CYFIP1: variants seen among roughly 807,000 people sequenced by gnomAD.
The protein encoded by CYFIP1 is cytoplasmic FMR1-interacting protein 1.
A neutral mutation model predicts 163.5 loss-of-function variants in CYFIP1; 58 were observed. The observed-to-expected ratio is 0.35, with a 90% CI of 0.29 to 0.44. CYFIP1 has a LOEUF of 0.44. CYFIP1 is among the 20% of genes least tolerant of loss of function. The probability of loss-of-function intolerance (pLI) is 1.00; values close to 1 mark genes in which losing one functional copy is unlikely to be tolerated. For missense variants in CYFIP1, 1,338 were observed against 1,653.8 expected, an observed-to-expected ratio of 0.81 and a Z score of 3.31; for synonymous variants, 663 against 660.7, an observed-to-expected ratio of 1.00 and a Z score of -0.05.
chr15:22,924,072 T>C (rs2061281792), intron 13 of CYFIP1, among the ~76,000 whole-genome samples: 2 of 151,738 alleles, frequency 1.3e-5, no homozygotes, highest in Non-Finnish European at 2.9e-5. Flanking sequence ...ATCCATGTAA[T>C]GCAATATTAT....
rs1438819876 is a variant in CYFIP1 at position 22,892,986 on chromosome 15, G to A, written c.2589-9C>T. 1.2e-6 allele frequency: 2 copies of A among 1,602,504 alleles called. No homozygotes were observed. The highest frequency in any genetic ancestry group is 8.5e-7 in the Non-Finnish European group (1 of 1,172,464). ...ACACTGTCCGAACAAACCTAAACAA[G>A]AAAGATTTAAAAAAGAAAAAGAAAC... On this transcript the variant is annotated splice_polypyrimidine_tract_variant and intron_variant, in intron 22 of 30. Transcript: ENST00000617928.
intron 28 of CYFIP1, 100 bp downstream of exon 28, chr15:22,874,450 T>A: frequency 1.2e-6 from 1 of 822,878 alleles, no homozygotes. Flanking sequence ...ACGCAGCCGC[T>A]GGACTTCACG....
At chr15:22,967,555 G>C (rs1047092124) in intron 1 of CYFIP1, among the ~76,000 whole-genome samples, 1 of 152,048 alleles carries the variant, frequency 6.6e-6, no homozygotes, top group Non-Finnish European at 1.5e-5. Flanking sequence ...TCCAGGGCCC[G>C]GCCCCACCAC....
Position 22,933,863 on chromosome 15 carries a change from T to C in CYFIP1, c.931A>G (p.Met311Val). Reference protein sequence around the residue: ...QLQVVPLFGDMQIELARYIKT... With the variant: ...QLQVVPLFGDVQIELARYIKT... ...ATATATCTTGCCAGTTCTATTTGCA[T>C]GTCCCCAAATAGCGGAACCACCTGG... The change falls in exon 10 of 31, where the codon ATG (methionine) becomes GTG (valine). Residue 311 changes from methionine (M) to valine (V), a missense_variant. Met to Val is a conservative substitution (Grantham distance 21). This residue lies in a region of CYFIP1 where 824 missense variants were observed against 995.7 expected (regional missense o/e 0.83). Coordinates refer to ENST00000617928, the MANE Select transcript of CYFIP1 (RefSeq NM_014608.6). 6.2e-7 allele frequency: 1 copy of C among 1,613,248 alleles called. No individual in the cohort carries two copies. The highest frequency in any genetic ancestry group is 8.5e-7 in the Non-Finnish European group (1 of 1,179,614).
intron 15 of CYFIP1, 109 bp from the exon 16 acceptor site, chr15:22,916,739 G>A (rs766955800): frequency 2.2e-5 from 36 of 1,612,532 alleles, no homozygotes; most frequent in South Asian, 3.3e-5. Flanking sequence ...CGCCCTGGTC[G>A]GGAGGGCCCC....
chr15:22,953,887 C>T (rs531041293), intron 1 of CYFIP1, among the ~76,000 whole-genome samples: 2 of 152,076 alleles, frequency 1.3e-5, no homozygotes, highest in Non-Finnish European at 2.9e-5. Flanking sequence ...AACTCCGTCT[C>T]TATTAAAAAT....
At position 22,869,896 on chromosome 15, in the gene CYFIP1, T is replaced by G; in HGVS notation, c.*132A>C. On this transcript the variant is annotated 3_prime_UTR_variant, in exon 31 of 31. Coordinates refer to ENST00000617928, the MANE Select transcript of CYFIP1 (RefSeq NM_014608.6). ...GAAAAATAAGTCAATTTTATAAAAT[T>G]AAGTTTTTAGATCGAAAAGCACCCC... 1 of 756,180 alleles carries G rather than the reference T, an allele frequency of 1.3e-6. No individual in the cohort carries two copies. Among genetic ancestry groups the G allele is most frequent in the Middle Eastern group, 4.3e-4 (1 of 2,350 alleles). 46.8% of individuals were successfully genotyped at this position (756,180 alleles called of 1,614,324 possible).
Position 22,892,908 on chromosome 15 carries a change from C to A in CYFIP1, c.2658G>T (p.Gln886His). 1 of 1,613,188 alleles carries A rather than the reference C, an allele frequency of 6.2e-7. No individual in the cohort carries two copies. The highest frequency in any genetic ancestry group is 1.1e-5 in the South Asian group (1 of 91,076). The stretch of plus-strand genomic sequence containing the variant: ...AGCCTACCTTGGATCCATGCAGATA[C>A]TGAGGCTGTGCATTAGGCTGCTTAT... The part of the protein sequence containing the change: ...QRDKQPNAQP[Q>H]YLHGSKALNL... The change falls in exon 23 of 31, where the codon CAG becomes CAT. Residue 886 changes from glutamine to histidine, a missense_variant. Gln to His is a conservative substitution (Grantham distance 24). Coordinates refer to ENST00000617928, the MANE Select transcript of CYFIP1 (RefSeq NM_014608.6).
At position 22,918,948 on chromosome 15, in the gene CYFIP1, G is replaced by A. The variant is rs76442371; in HGVS notation, c.1360-90C>T. The A allele has an allele frequency of 2.7e-3, 2,827 of 1,050,854 alleles. 62 individuals carry two copies. In the African/African-American group the frequency reaches 0.041, roughly 15 times the overall value. 65.1% of individuals were successfully genotyped at this position (1,050,854 alleles called of 1,614,324 possible). ...CACATGCCGGGGGCTGCTCCTCCTC[G>A]CCCACAGCACCTTACGCCCTCCCGC... On this transcript the variant is annotated intron_variant, in intron 13 of 30. Coordinates refer to ENST00000617928, the MANE Select transcript of CYFIP1 (RefSeq NM_014608.6).
At chr15:22,870,262 C>T in intron 30 of CYFIP1, 70 bp from the exon 31 acceptor site, 1 of 1,483,362 alleles carries the variant, frequency 6.7e-7, no homozygotes, top group East Asian at 2.4e-5. Context: ...TTCAAAATGT[C>T]AGGATTCTTA....
At chr15:22,972,817 G>A (rs190920160) in intron 1 of CYFIP1, among the ~76,000 whole-genome samples, 1 of 152,168 alleles carries the variant, frequency 6.6e-6, no homozygotes, top group Non-Finnish European at 1.5e-5. Flanking sequence ...ACCAGTCTGA[G>A]CAACATGGTG....
rs1475082719 is a variant in CYFIP1 at position 22,916,624 on chromosome 15, T to C, written c.1681A>G (p.Met561Val). Reference protein sequence around the residue: ...AVGPSSTQLYMVRTMLESLIA... With the variant: ...AVGPSSTQLYVVRTMLESLIA... ...AGGGACTCTAGCATGGTTCTCACCA[T>C]GTAAAGCTGGATTATCCAAGGAAAC... The change falls in exon 16 of 31, where the codon ATG becomes GTG. Residue 561 changes from methionine (M) to valine (V), a missense_variant. Physicochemically the swap from Met to Val is conservative, Grantham distance 21. Coordinates refer to ENST00000617928, the MANE Select transcript of CYFIP1 (RefSeq NM_014608.6). 5 of 1,614,146 alleles carry C rather than the reference T, an allele frequency of 3.1e-6. No homozygotes were observed. The highest frequency in any genetic ancestry group is 4.2e-6 in the Non-Finnish European group (5 of 1,180,020).
At chr15:22,978,181 G>A (rs1252803817) in intron 1 of CYFIP1, among the ~76,000 whole-genome samples, 2 of 151,500 alleles carry the variant, frequency 1.3e-5, no homozygotes, top group African/African-American at 4.8e-5. Context: ...GCAAAACCCC[G>A]TCTCTACTAA....
At chr15:22,883,772 G>A (rs1014667742) in intron 23 of CYFIP1, among the ~76,000 whole-genome samples, 26 of 143,848 alleles carry the variant, frequency 1.8e-4, no homozygotes, top group South Asian at 1.8e-3. Context: ...AGCCGAGATC[G>A]CGCCACTGCA....
intron 22 of CYFIP1, among the ~76,000 whole-genome samples, chr15:22,896,631 CT>C (rs1452467748): frequency 1.3e-5 from 2 of 152,096 alleles, no homozygotes; most frequent in African/African-American, 4.8e-5. Context: ...ATTTTTCATT[CT>C]AGATACTGCA....
intron 29 of CYFIP1, 105 bp downstream of exon 29, chr15:22,873,386 C>T: frequency 3.2e-6 from 3 of 941,956 alleles, no homozygotes; most frequent in Non-Finnish European, 4.9e-6. Flanking sequence ...AGTTTCTGGT[C>T]CACTTCCTGA....
chr15:22,891,059 C>T (rs564401011), intron 23 of CYFIP1, among the ~76,000 whole-genome samples: 3 of 152,080 alleles, frequency 2.0e-5, no homozygotes, highest in South Asian at 4.2e-4. Flanking sequence ...CAAACATCTG[C>T]ACCCTAGAGA....
chr15:22,932,167 C>A, intron 11 of CYFIP1, 56 bp downstream of exon 11: 1 of 1,312,298 alleles, frequency 7.6e-7, no homozygotes, highest in Non-Finnish European at 1.1e-6. Context: ...GATTTGGGTG[C>A]AAACACACAC....
intron 1 of CYFIP1, among the ~76,000 whole-genome samples, chr15:22,971,445 G>C (rs2063090715): frequency 1.3e-5 from 2 of 152,180 alleles, no homozygotes; most frequent in Admixed American, 1.3e-4. Flanking sequence ...GGCCAAGGCA[G>C]GCAGATCGCT....
Sources: allele counts gnomAD v4.1 joint callset (sites outside exome capture counted in the v4.1 genomes callset), GRCh38; gene constraint gnomAD v4.1.1; regional missense constraint gnomAD v4.1.1; transcripts MANE v1.5; gene names NCBI Gene and HGNC (gene_info 2026-07-23, HGNC 2026-07-21).